The following KCNK2 variants were observed in gnomAD, a reference collection of about 807,000 sequenced individuals.
The protein encoded by KCNK2 is potassium channel subfamily K member 2.
In KCNK2, 21 loss-of-function variants were observed where a neutral mutation model predicts 40.5. The observed-to-expected ratio is 0.52, with a 90% CI of 0.37 to 0.75. KCNK2 has a LOEUF of 0.75. Ranked by LOEUF, KCNK2 falls within the 30% of genes least tolerant of loss-of-function variation. KCNK2 has a pLI of 0.00. For missense variants in KCNK2, 399 were observed against 531.6 expected (o/e 0.75, Z 2.45); for synonymous variants, 191 against 202.2 (o/e 0.94, Z 0.47).
chr1:215,054,334 C>T (rs1264980592), intron 1 of KCNK2, among the ~76,000 whole-genome samples: 1 of 152,142 alleles, frequency 6.6e-6, no homozygotes, highest in Non-Finnish European at 1.5e-5. Context: ...AATGTTAGCT[C>T]TGATTGCAGA....
Position 215,169,321 on chromosome 1 carries a change from T to C in KCNK2, c.598T>C (p.Phe200Leu). 3 of 1,613,006 alleles carry C rather than the reference T, an allele frequency of 1.9e-6. No individual in the cohort carries two copies. The highest frequency in any genetic ancestry group is 2.5e-6 in the Non-Finnish European group (3 of 1,179,458). Residue 200 changes from phenylalanine to leucine, a missense_variant, in exon 4 of 7, where the codon TTT becomes CTT. Physicochemically the swap from Phe to Leu is conservative, Grantham distance 22. Transcript: ENST00000444842. Reference sequence around the variant, plus strand: ...AGTTGGAGATCAGCTAGGCACCATATTTGGAAAAGGAATTGCCAAAGTGGA... The same window carrying C: ...AGTTGGAGATCAGCTAGGCACCATACTTGGAAAAGGAATTGCCAAAGTGGA... ...AGVGDQLGTIFGKGIAKVEDT... is the reference protein window; with the variant it reads ...AGVGDQLGTILGKGIAKVEDT...
At chr1:215,165,351 G>A (rs1571685810) in intron 3 of KCNK2, among the ~76,000 whole-genome samples, 2 of 152,152 alleles carry the variant, frequency 1.3e-5, no homozygotes, top group African/African-American at 2.4e-5. Context: ...GTGAAAAGTT[G>A]CCTTAGCATA....
intron 3 of KCNK2, among the ~76,000 whole-genome samples, chr1:215,145,211 T>G (rs1662362359): frequency 6.6e-6 from 1 of 152,174 alleles, no homozygotes. Flanking sequence ...TGACTTTAGC[T>G]GGCTGATACT....
intron 6 of KCNK2, among the ~76,000 whole-genome samples, chr1:215,218,264 G>A (rs1346663674): frequency 6.6e-6 from 1 of 152,184 alleles, no homozygotes; most frequent in African/African-American, 2.4e-5. Context: ...AAAGGTTAAA[G>A]TGCTGGGAAG....
chr1:215,036,706 T>G (rs771496245), intron 1 of KCNK2, among the ~76,000 whole-genome samples: 2 of 151,872 alleles, frequency 1.3e-5, no homozygotes, highest in Non-Finnish European at 2.9e-5. Context: ...TTATGAACAA[T>G]GTTTTGTAGT....
At chr1:215,089,300 C>T (rs749773221) in intron 2 of KCNK2, among the ~76,000 whole-genome samples, 2 of 152,156 alleles carry the variant, frequency 1.3e-5, no homozygotes, top group Non-Finnish European at 2.9e-5. Context: ...AGTCTCTGCT[C>T]TTTTGGAGCT....
intron 3 of KCNK2, among the ~76,000 whole-genome samples, chr1:215,146,625 A>G (rs1662428609): frequency 6.6e-6 from 1 of 152,210 alleles, no homozygotes; most frequent in African/African-American, 2.4e-5. Context: ...AACAGTGCAT[A>G]TTTGCAGAAT....
intron 5 of KCNK2, among the ~76,000 whole-genome samples, chr1:215,178,801 A>G (rs1018302824): frequency 1.3e-5 from 2 of 152,048 alleles, no homozygotes; most frequent in African/African-American, 4.8e-5. Flanking sequence ...AATGGCCTAT[A>G]GTTTTTCTTG....
Position 215,083,337 on chromosome 1 carries a change from A to T in KCNK2, c.-49A>T, listed in dbSNP as rs746866510. 9.9e-6 allele frequency: 16 copies of T among 1,614,014 alleles called. No individual in the cohort carries two copies. In the Admixed American group the frequency reaches 1.5e-4, roughly 15 times the overall value. ...GTACAATGGCGTGTTTGTAAAAAAA[A>T]GCTTCAAGTCCGTCTTTTTCAAAAA... On this transcript the variant is annotated 5_prime_UTR_variant, in exon 1 of 7. It adds an upstream start codon to the 5' untranslated region. Coordinates refer to ENST00000444842, the MANE Select transcript of KCNK2 (RefSeq NM_001017425.3).
chr1:215,011,602 T>C (rs1211412350), intron 1 of KCNK2, among the ~76,000 whole-genome samples: 1 of 149,416 alleles, frequency 6.7e-6, no homozygotes, highest in East Asian at 2.0e-4. Context: ...TTGAGTCTGA[T>C]TTTTTTTTAT....
At chr1:215,065,024 A>T (rs1658488950) in intron 1 of KCNK2, among the ~76,000 whole-genome samples, 1 of 152,214 alleles carries the variant, frequency 6.6e-6, no homozygotes, top group African/African-American at 2.4e-5. Flanking sequence ...ACAGGATTTA[A>T]ACGTTTTAGG....
intron 6 of KCNK2, among the ~76,000 whole-genome samples, chr1:215,225,240 A>AT (rs1571750826): frequency 1.3e-5 from 2 of 152,074 alleles, no homozygotes; most frequent in African/African-American, 4.8e-5. Context: ...ATGCAATTTT[A>AT]TTTTTTTATC....
intron 2 of KCNK2, among the ~76,000 whole-genome samples, chr1:215,112,340 AAGTTAAAAAAATTAAAT>A (rs1420754758): frequency 6.6e-6 from 1 of 151,872 alleles, no homozygotes; most frequent in East Asian, 1.9e-4. Context: ...AGTGCTTAAA[AAGTTAAAAAAATTAAAT>A]AGTTAAAAAA....
intron 5 of KCNK2, among the ~76,000 whole-genome samples, chr1:215,176,879 G>A (rs1390225736): frequency 6.6e-6 from 1 of 152,184 alleles, no homozygotes; most frequent in Non-Finnish European, 1.5e-5. Context: ...GGGCCCAGTG[G>A]TATTTTTGGT....
chr1:215,087,024 T>G (rs1389456896), intron 2 of KCNK2, among the ~76,000 whole-genome samples: 1 of 152,202 alleles, frequency 6.6e-6, no homozygotes, highest in Admixed American at 6.5e-5. Flanking sequence ...ATCCATGGGG[T>G]TGGGGTTACC....
chr1:215,185,397 G>A (rs1219653854), intron 5 of KCNK2, among the ~76,000 whole-genome samples: 1 of 152,134 alleles, frequency 6.6e-6, no homozygotes, highest in Non-Finnish European at 1.5e-5. Context: ...GAATGAGAAT[G>A]TGGATTGGGG....
intron 1 of KCNK2, among the ~76,000 whole-genome samples, chr1:215,073,586 A>G (rs1658833536): frequency 6.6e-6 from 1 of 152,112 alleles, no homozygotes; most frequent in East Asian, 1.9e-4. Context: ...CTAAGGAAAG[A>G]AGGAAGAGTA....
intron 1 of KCNK2, among the ~76,000 whole-genome samples, chr1:215,085,095 T>C (rs1659371752): frequency 6.6e-6 from 1 of 152,248 alleles, no homozygotes; most frequent in Non-Finnish European, 1.5e-5. Flanking sequence ...CTTCTCATAC[T>C]GAAGTAATTT....
intron 6 of KCNK2, among the ~76,000 whole-genome samples, chr1:215,220,222 T>C (rs1666116294): frequency 6.6e-6 from 1 of 152,150 alleles, no homozygotes; most frequent in African/African-American, 2.4e-5. Context: ...TATAATAGAG[T>C]TACTTCTGGT....
Sources: allele counts gnomAD v4.1 joint callset (sites outside exome capture counted in the v4.1 genomes callset), GRCh38; gene constraint gnomAD v4.1.1; transcripts MANE v1.5; gene names NCBI Gene and HGNC (gene_info 2026-07-23, HGNC 2026-07-21).